Variants in MXI1 observed in about 807,000 individuals in gnomAD.
MXI1 encodes the protein max-interacting protein 1.
In MXI1, 18 loss-of-function variants were observed where a neutral mutation model predicts 36.9. The ratio of observed to expected loss-of-function variants is 0.49; its 90% CI spans 0.34 to 0.72. The LOEUF is 0.72. Ranked by LOEUF, MXI1 falls within the 30% of genes least tolerant of loss-of-function variation. MXI1 has a pLI of 0.01. For synonymous variants in MXI1, 160 were observed against 146.7 expected (o/e 1.09, Z -0.65); for missense variants, 304 against 379.1 (o/e 0.80, Z 1.64).
chr10:110,228,676 A>G (rs1380776884), intron 2 of MXI1, among the ~76,000 whole-genome samples: 1 of 151,758 alleles, frequency 6.6e-6, no homozygotes, highest in Non-Finnish European at 1.5e-5. Context: ...TAAAAAAAAA[A>G]TCAGAAATAG....
chr10:110,273,327 A>G (rs1000186230), intron 3 of MXI1, among the ~76,000 whole-genome samples: 5 of 152,142 alleles, frequency 3.3e-5, no homozygotes, highest in South Asian at 4.1e-4. Flanking sequence ...GATTACAGGC[A>G]TGAGCCACCG....
rs537992625 is a variant in MXI1, at chr10:110,263,802, A to G, written c.438-15378A>G. ...TTTTGTTTCTTCTCACAGCTATTTA[A>G]TTTGACATCATTTAAGGCCTGTAGA... is the stretch of plus-strand genomic sequence containing the variant. On this transcript the variant is annotated intron_variant, in intron 3 of 5. Transcript: ENST00000332674. Among the ~76,000 whole-genome samples the G allele has an allele frequency of 1.2e-4, 19 of 152,238 alleles. No homozygotes were observed. In the South Asian group the frequency reaches 3.5e-3, roughly 28 times the overall value.
In MXI1 at chr10:110,279,901, T is replaced by G; in HGVS notation, c.553-13T>G. ...GACTATACACAAATGTAAAAATCAT[T>G]TCATCATTTCAGAAACTTGAAGAAG... is the stretch of plus-strand genomic sequence containing the variant. On this transcript the variant is annotated splice_polypyrimidine_tract_variant and intron_variant, in intron 4 of 5. Transcript: ENST00000332674. The G allele has an allele frequency of 6.3e-7, 1 of 1,595,472 alleles. No individual in the cohort carries two copies. Among genetic ancestry groups the G allele is most frequent in the Non-Finnish European group, 8.5e-7 (1 of 1,172,342 alleles).
At chr10:110,281,856 A>G (rs1297595140) in intron 5 of MXI1, among the ~76,000 whole-genome samples, 3 of 152,186 alleles carry the variant, frequency 2.0e-5, no homozygotes, top group Admixed American at 6.5e-5. Flanking sequence ...TGCACTTTTA[A>G]TATTAATCAA....
At chr10:110,218,304 G>A (rs1854707686) in intron 1 of MXI1, among the ~76,000 whole-genome samples, 1 of 152,054 alleles carries the variant, frequency 6.6e-6, no homozygotes, top group South Asian at 2.1e-4. Flanking sequence ...CAAAAAATTA[G>A]CCGGGCGTGG....
intron 1 of MXI1, among the ~76,000 whole-genome samples, chr10:110,219,549 G>C (rs1221275551): frequency 6.6e-6 from 1 of 152,200 alleles, no homozygotes; most frequent in African/African-American, 2.4e-5. Flanking sequence ...ACAATACCCA[G>C]GTGATTTGTG....
chr10:110,263,376 C>G (rs2094029349), intron 3 of MXI1, among the ~76,000 whole-genome samples: 1 of 152,162 alleles, frequency 6.6e-6, no homozygotes, highest in Non-Finnish European at 1.5e-5. Context: ...GGTAATATGA[C>G]CCACTTAGGA....
At chr10:110,276,046 T>TTGTC (rs1345057924) in intron 3 of MXI1, among the ~76,000 whole-genome samples, 1 of 152,236 alleles carries the variant, frequency 6.6e-6, no homozygotes, top group Non-Finnish European at 1.5e-5. Context: ...ACCTCCTGAT[T>TTGTC]TGTCGGTGCA....
At chr10:110,247,114 A>C (rs1855896405) in intron 3 of MXI1, among the ~76,000 whole-genome samples, 1 of 152,266 alleles carries the variant, frequency 6.6e-6, no homozygotes, top group Admixed American at 6.5e-5. Context: ...TTTGGAATGG[A>C]GCTTTAAAAA....
At chr10:110,232,336 A>G (rs1193790817) in intron 2 of MXI1, among the ~76,000 whole-genome samples, 1 of 152,012 alleles carries the variant, frequency 6.6e-6, no homozygotes, top group African/African-American at 2.4e-5. Context: ...AGATCTTTGC[A>G]TACTTTCTGT....
intron 1 of MXI1, among the ~76,000 whole-genome samples, chr10:110,216,353 T>C (rs1854635212): frequency 6.6e-6 from 1 of 152,208 alleles, no homozygotes; most frequent in Non-Finnish European, 1.5e-5. Context: ...AACCAGTACA[T>C]AAGGAGTACA....
chr10:110,226,088 C>T, intron 1 of MXI1: 1 of 1,098,428 alleles, frequency 9.1e-7, no homozygotes. Context: ...GAGCCGCGGC[C>T]GAGCTGGCCC....
chr10:110,272,814 T>C (rs1336094116), intron 3 of MXI1, among the ~76,000 whole-genome samples: 3 of 151,920 alleles, frequency 2.0e-5, no homozygotes, highest in African/African-American at 7.2e-5. Context: ...GAAAGCTGCT[T>C]TTTTGAAAAG....
At chr10:110,212,619 C>T (rs924605947) in intron 1 of MXI1, among the ~76,000 whole-genome samples, 15 of 152,186 alleles carry the variant, frequency 9.9e-5, no homozygotes, top group African/African-American at 3.4e-4. Context: ...TGGAGCAGGG[C>T]CCAGCTTGCT....
intron 3 of MXI1, among the ~76,000 whole-genome samples, chr10:110,262,599 T>C (rs1224956932): frequency 1.4e-5 from 2 of 140,502 alleles, no homozygotes; most frequent in African/African-American, 6.5e-5. Context: ...TAAAAAAAGA[T>C]TTTTTTTGAG....
intron 1 of MXI1, among the ~76,000 whole-genome samples, chr10:110,213,109 G>T (rs150870923): frequency 1.5e-4 from 23 of 152,314 alleles, no homozygotes; most frequent in African/African-American, 5.5e-4. Flanking sequence ...CAGAAATACT[G>T]ATCTCCAACT....
chr10:110,283,052 G>A (rs963690207), intron 5 of MXI1, among the ~76,000 whole-genome samples: 10 of 152,078 alleles, frequency 6.6e-5, no homozygotes, highest in African/African-American at 2.4e-4. Context: ...TCTAGTTGTA[G>A]GTTGGATGAG....
chr10:110,274,478 C>G (rs1216521747), intron 3 of MXI1, among the ~76,000 whole-genome samples: 6 of 152,146 alleles, frequency 3.9e-5, no homozygotes, highest in African/African-American at 1.4e-4. Flanking sequence ...GTACCTAATT[C>G]TAACTTTGTT....
At position 110,229,782 on chromosome 10, in the gene MXI1, G is replaced by A. The variant is rs1855196180; in HGVS notation, c.407+1461G>A. 2.0e-5 allele frequency among the ~76,000 whole-genome samples: 3 copies of A among 152,062 alleles called. No homozygotes were observed. In the South Asian group the frequency reaches 6.2e-4, roughly 32 times the overall value. ...ACATTTGCTTGCCCTTACGGTTTCA[G>A]TGTTTAAGCTATCAAGAATTAAGAC... On this transcript the variant is annotated intron_variant, in intron 2 of 5. Coordinates refer to ENST00000332674, the MANE Select transcript of MXI1 (RefSeq NM_130439.3).
Sources: allele counts gnomAD v4.1 joint callset (sites outside exome capture counted in the v4.1 genomes callset), GRCh38; gene constraint gnomAD v4.1.1; transcripts MANE v1.5; gene names NCBI Gene and HGNC (gene_info 2026-07-23, HGNC 2026-07-21).